Variants in NR3C2 observed in about 807,000 individuals in gnomAD.
The protein encoded by NR3C2 is nuclear receptor subfamily 3 group C member 2, also known as mineralocorticoid receptor.
In NR3C2, 15 loss-of-function variants were observed where a neutral mutation model predicts 86.4. The ratio of observed to expected loss-of-function variants is 0.17; its 90% CI spans 0.12 to 0.27. NR3C2 has a LOEUF of 0.27. Ranked by LOEUF, NR3C2 falls within the 10% of genes least tolerant of loss-of-function variation. The pLI, the probability that NR3C2 is intolerant of heterozygous loss-of-function variation, is 1.00. For missense variants in NR3C2, 960 were observed against 1,195.6 expected (o/e 0.80, Z 2.91); for synonymous variants, 458 against 450.5 (o/e 1.02, Z -0.21).
intron 4 of NR3C2, among the ~76,000 whole-genome samples, chr4:148,193,347 C>T (rs1028534607): frequency 2.0e-4 from 30 of 152,170 alleles, no homozygotes; most frequent in Non-Finnish European, 1.9e-4. Context: ...CCAGGTCCTC[C>T]GGGAGCAGTC....
In NR3C2 at chr4:148,154,541, G is replaced by A; in HGVS notation, c.2365+10C>T. On this transcript the variant is annotated intron_variant, in intron 5 of 8. Transcript: ENST00000358102. The stretch of plus-strand genomic sequence containing the variant: ...CAGGATGCAGCCTGTGAAAGGAGAG[G>A]CAATCCTACCTGGAAGTACCTTTGC... 1 of 1,613,008 alleles carries A rather than the reference G, an allele frequency of 6.2e-7. No homozygotes were observed. The highest frequency in any genetic ancestry group is 8.5e-7 in the Non-Finnish European group (1 of 1,179,022).
intron 4 of NR3C2, among the ~76,000 whole-genome samples, chr4:148,166,324 G>A (rs1358142636): frequency 5.9e-5 from 9 of 152,324 alleles, no homozygotes; most frequent in East Asian, 3.9e-4. Flanking sequence ...GTCTTGTGCC[G>A]TCAGGTCTCA....
chr4:148,231,485 G>C (rs1454881518), intron 3 of NR3C2, among the ~76,000 whole-genome samples: 2 of 147,336 alleles, frequency 1.4e-5, no homozygotes, highest in African/African-American at 5.0e-5. Context: ...CTCTGCAGCA[G>C]TACTGCATCA....
intron 2 of NR3C2, among the ~76,000 whole-genome samples, chr4:148,279,991 C>T (rs988930557): frequency 1.3e-5 from 2 of 152,158 alleles, no homozygotes; most frequent in African/African-American, 4.8e-5. Flanking sequence ...TCCCAAAGTA[C>T]TGGGATTACA....
intron 8 of NR3C2, among the ~76,000 whole-genome samples, chr4:148,110,630 G>A (rs1222504995): frequency 6.6e-6 from 1 of 152,126 alleles, no homozygotes; most frequent in Non-Finnish European, 1.5e-5. Context: ...TGCTCTGTTT[G>A]GAATAGGAAT....
intron 2 of NR3C2, among the ~76,000 whole-genome samples, chr4:148,345,204 G>GT (rs1382102265): frequency 6.6e-5 from 10 of 152,116 alleles, no homozygotes; most frequent in African/African-American, 2.4e-4. Flanking sequence ...GTAGAAATGT[G>GT]TAACAAATGA....
chr4:148,099,465 T>C (rs1731437876), intron 8 of NR3C2, among the ~76,000 whole-genome samples: 1 of 152,224 alleles, frequency 6.6e-6, no homozygotes, highest in Admixed American at 6.5e-5. Flanking sequence ...TGAAAATGCA[T>C]TTAATCACCC....
intron 1 of NR3C2, among the ~76,000 whole-genome samples, chr4:148,440,063 T>A (rs61688827): frequency 0.14 from 21,717 of 152,254 alleles, 4,245 homozygotes; most frequent in African/African-American, 0.45. Flanking sequence ...TCTAAATTAC[T>A]TTGTTTAAGG....
At chr4:148,434,078 C>T (rs1483126401) in intron 2 of NR3C2, among the ~76,000 whole-genome samples, 1 of 152,094 alleles carries the variant, frequency 6.6e-6, no homozygotes, top group African/African-American at 2.4e-5. Flanking sequence ...AACCCTATAT[C>T]CTGTTAATGG....
chr4:148,252,335 C>G (rs961331149), intron 3 of NR3C2, among the ~76,000 whole-genome samples: 1 of 152,054 alleles, frequency 6.6e-6, no homozygotes, highest in Non-Finnish European at 1.5e-5. Flanking sequence ...ATTACCTTTC[C>G]AAACTCATGA....
chr4:148,258,573 G>A (rs1179377526), intron 3 of NR3C2, among the ~76,000 whole-genome samples: 2 of 152,138 alleles, frequency 1.3e-5, no homozygotes, highest in East Asian at 1.9e-4. Context: ...GGCAGAGGTG[G>A]GCATGTGAGC....
In NR3C2 at chr4:148,081,022, C is replaced by CA. The variant is rs1730528705; in HGVS notation, c.*321dup. ...GCGAACGATACCAGAAACTACACGG[C>CA]ATAGTTAAAACTTCTTCCATCTGTG... On this transcript the variant is annotated 3_prime_UTR_variant, in exon 9 of 9. Transcript: ENST00000358102. The CA allele has an allele frequency of 2.6e-6, 1 of 390,912 alleles. No individual in the cohort carries two copies. Among genetic ancestry groups the CA allele is most frequent in the South Asian group, 2.2e-5 (1 of 45,146 alleles). 24.2% of individuals were successfully genotyped at this position (390,912 alleles called of 1,614,324 possible).
chr4:148,378,191 A>G (rs1337130866), intron 2 of NR3C2, among the ~76,000 whole-genome samples: 9 of 152,190 alleles, frequency 5.9e-5, no homozygotes, highest in Non-Finnish European at 7.3e-5. Context: ...AGAAAGAAAA[A>G]GTAATTGAAA....
intron 2 of NR3C2, among the ~76,000 whole-genome samples, chr4:148,388,544 TCACAA>T (rs1239304551): frequency 6.6e-5 from 10 of 152,192 alleles, no homozygotes; most frequent in East Asian, 1.9e-4. Context: ...TATATTTACA[TCACAA>T]CACATCATCA....
At chr4:148,269,074 T>A (rs1740537911) in intron 2 of NR3C2, among the ~76,000 whole-genome samples, 1 of 152,114 alleles carries the variant, frequency 6.6e-6, no homozygotes, top group Admixed American at 6.5e-5. Context: ...TGTGGAACAA[T>A]GACTGACTGA....
chr4:148,191,229 C>T (rs1047195482), intron 4 of NR3C2, among the ~76,000 whole-genome samples: 3 of 152,112 alleles, frequency 2.0e-5, no homozygotes, highest in Non-Finnish European at 4.4e-5. Flanking sequence ...TGTATCTTTC[C>T]TTCATATGTG....
At chr4:148,241,375 G>A (rs993771206) in intron 3 of NR3C2, among the ~76,000 whole-genome samples, 11 of 144,430 alleles carry the variant, frequency 7.6e-5, no homozygotes, top group Non-Finnish European at 1.1e-4. Context: ...TGGCTTTGAG[G>A]CCCTACATGA....
chr4:148,435,809 C>G lies in NR3C2; in HGVS notation c.1052G>C (p.Gly351Ala). Residue 351 changes from glycine to alanine, a missense_variant, in exon 2 of 9, where the codon GGA becomes GCA. Gly to Ala is a moderately conservative substitution (Grantham distance 60, BLOSUM62 0). Around this residue, in one of 4 missense-constraint regions of NR3C2, gnomAD observed 680 missense variants for 719.0 expected, o/e 0.95. Coordinates refer to ENST00000358102, the MANE Select transcript of NR3C2 (RefSeq NM_000901.5). ...AACCACATCCCGCAATGTACTGGAT[C>G]CAGCAGAGGTGCCAGAAGCAGTGTA... ...FSYTASGTSA[G>A]SSTLRDVVPS... The G allele has an allele frequency of 6.2e-7, 1 of 1,614,184 alleles. No individual in the cohort carries two copies. Among genetic ancestry groups the G allele is most frequent in the Non-Finnish European group, 8.5e-7 (1 of 1,180,030 alleles).
chr4:148,250,977 G>A (rs1354628505), intron 3 of NR3C2, among the ~76,000 whole-genome samples: 1 of 151,838 alleles, frequency 6.6e-6, no homozygotes, highest in Non-Finnish European at 1.5e-5. Context: ...GGGGGACAGG[G>A]TATTACTTTG....
Sources: gnomAD v4.1 joint callset for allele counts (sites outside exome capture counted in the v4.1 genomes callset) on GRCh38, gnomAD v4.1.1 for gene constraint, gnomAD v4.1.1 regional missense constraint, MANE v1.5 for transcripts, NCBI Gene and HGNC (gene_info 2026-07-23, HGNC 2026-07-21) for gene names.